PRRG1: variants seen among roughly 807,000 people sequenced by gnomAD.
The protein encoded by PRRG1 is transmembrane gamma-carboxyglutamic acid protein 1.
PRRG1 carries 5 observed loss-of-function variants against 11.8 expected under a neutral mutation model. The observed-to-expected ratio is 0.42, with a 90% CI of 0.22 to 0.89. PRRG1 has a LOEUF of 0.89. Among genes scored for constraint, PRRG1 ranks in the 40% least tolerant of loss-of-function variants. The pLI, the probability that PRRG1 is intolerant of heterozygous loss-of-function variation, is 0.28. For missense variants in PRRG1, 155 were observed against 166.1 expected (o/e 0.93, Z 0.37); for synonymous variants, 66 against 60.4 (o/e 1.09, Z -0.43).
At chrX:37,453,112 A>G (rs1556396925) in intron 3 of PRRG1, 24 bp from the exon 4 acceptor site, 2 of 1,151,609 alleles carry the variant, frequency 1.7e-6, no homozygotes, top group East Asian at 3.1e-5. Context: ...CTGATTTTCT[A>G]TTTATTTTGT....
chrX:37,415,961 A>G (rs1173969005), intron 2 of PRRG1, among the ~76,000 whole-genome samples: 1 of 111,825 alleles, frequency 8.9e-6, no homozygotes, highest in Non-Finnish European at 1.9e-5. Context: ...ACCATTCCTA[A>G]GGGTACAAAC....
intron 1 of PRRG1, among the ~76,000 whole-genome samples, chrX:37,388,335 C>T (rs1260901486): frequency 8.9e-6 from 1 of 112,794 alleles, no homozygotes; most frequent in East Asian, 2.8e-4. Flanking sequence ...GGGGCTCCAA[C>T]CCCAAATTTC....
At chrX:37,438,665 G>T (rs1932922697) in intron 3 of PRRG1, among the ~76,000 whole-genome samples, 2 of 111,026 alleles carry the variant, frequency 1.8e-5, no homozygotes, top group Admixed American at 1.9e-4. Flanking sequence ...TTGAACTCCT[G>T]ACCTCAGGTG....
intron 1 of PRRG1, among the ~76,000 whole-genome samples, chrX:37,365,895 C>T (rs1289082034): frequency 8.9e-6 from 1 of 111,786 alleles, no homozygotes; most frequent in African/African-American, 3.3e-5. Context: ...ACAAATAGGT[C>T]CCCTGCTTCA....
chrX:37,361,266 C>T (rs1024133787), intron 1 of PRRG1, among the ~76,000 whole-genome samples: 24 of 108,858 alleles, frequency 2.2e-4, no homozygotes, highest in African/African-American at 7.7e-4. Flanking sequence ...GGCGTGAACC[C>T]GGGAGGCAGA....
In PRRG1 at chrX:37,441,819, G is replaced by A. The variant is rs891926558; in HGVS notation, c.172-11317G>A. On this transcript the variant is annotated intron_variant, in intron 3 of 3. Transcript: ENST00000378628. Reference sequence around the variant, plus strand: ...GTCAAGACTGGGAGAGCAGGCTCGAGGCCATGGAGTGCGCCTTCCACCTGG... The same window carrying A: ...GTCAAGACTGGGAGAGCAGGCTCGAAGCCATGGAGTGCGCCTTCCACCTGG... 5.5e-5 allele frequency: 43 copies of A among 784,245 alleles called. No individual in the cohort carries two copies. In the African/African-American group the frequency reaches 9.3e-4, roughly 17 times the overall value. 64.6% of individuals were successfully genotyped at this position (784,245 alleles called of 1,213,427 possible).
At chrX:37,413,185 C>T (rs1313368553) in intron 2 of PRRG1, among the ~76,000 whole-genome samples, 1 of 110,810 alleles carries the variant, frequency 9.0e-6, no homozygotes, top group Non-Finnish European at 1.9e-5. Flanking sequence ...AGGGTTCACT[C>T]TTGTTGTTGT....
chrX:37,418,040 T>C (rs1431210723), intron 2 of PRRG1, among the ~76,000 whole-genome samples: 2 of 112,105 alleles, frequency 1.8e-5, no homozygotes, highest in East Asian at 2.8e-4. Flanking sequence ...CAACTGAAAG[T>C]ACTTAAGAAA....
At chrX:37,411,201 A>G (rs1270323291) in intron 2 of PRRG1, among the ~76,000 whole-genome samples, 1 of 112,165 alleles carries the variant, frequency 8.9e-6, no homozygotes, top group Non-Finnish European at 1.9e-5. Context: ...ATTAGGTTTT[A>G]TAAGTAATCT....
chrX:37,439,656 C>T (rs1932938327), intron 3 of PRRG1, among the ~76,000 whole-genome samples: 1 of 111,310 alleles, frequency 9.0e-6, no homozygotes, highest in Non-Finnish European at 1.9e-5. Context: ...CTTCTTATGC[C>T]AGTCCTTATT....
chrX:37,369,556 C>T (rs1248080082), intron 1 of PRRG1, among the ~76,000 whole-genome samples: 1 of 111,721 alleles, frequency 9.0e-6, no homozygotes, highest in African/African-American at 3.3e-5. Context: ...CCATGTTGTA[C>T]AGTAGATCTC....
intron 1 of PRRG1, among the ~76,000 whole-genome samples, chrX:37,361,904 G>A (rs782224137): frequency 3.2e-4 from 36 of 112,154 alleles, no homozygotes; most frequent in African/African-American, 1.0e-3. Context: ...AGTCAGAAAC[G>A]TAAGCCTAGG....
intron 1 of PRRG1, among the ~76,000 whole-genome samples, chrX:37,392,663 A>T: frequency 9.2e-6 from 1 of 108,998 alleles, no homozygotes; most frequent in Non-Finnish European, 1.9e-5. Context: ...GTCTCAAAAA[A>T]AAAAAAAAAA....
intron 1 of PRRG1, among the ~76,000 whole-genome samples, chrX:37,392,657 CAAAAA>C (rs11296949): frequency 3.9e-5 from 2 of 50,834 alleles, no homozygotes; most frequent in African/African-American, 5.7e-5. Context: ...GACTCTGTCT[CAAAAA>C]AAAAAAAAAA....
intron 1 of PRRG1, among the ~76,000 whole-genome samples, chrX:37,396,229 G>T (rs1931708107): frequency 8.9e-6 from 1 of 112,471 alleles, no homozygotes; most frequent in African/African-American, 3.2e-5. Flanking sequence ...AATTTTAAAA[G>T]CTGTGGTACT....
At chrX:37,408,057 A>G (rs1229967294) in intron 2 of PRRG1, among the ~76,000 whole-genome samples, 1 of 112,159 alleles carries the variant, frequency 8.9e-6, no homozygotes, top group African/African-American at 3.2e-5. Context: ...TTAAAACTAA[A>G]TGAACTTTTT....
In PRRG1 at chrX:37,404,326, C is replaced by T. The variant is rs1376221392; in HGVS notation, c.-41-1883C>T. Among the ~76,000 whole-genome samples, 6 of 111,302 alleles carry T rather than the reference C, an allele frequency of 5.4e-5. No homozygotes were observed. The Admixed American group carries it at 5.7e-4, about 11-fold the overall frequency. On this transcript the variant is annotated intron_variant, in intron 1 of 3. Transcript: ENST00000378628. ...AACTCTTTCATGCTTCTCATTCGTACATGGATTATATTTTAGTATATTAAC... is the reference window on the plus strand; with the variant it reads ...AACTCTTTCATGCTTCTCATTCGTATATGGATTATATTTTAGTATATTAAC...
chrX:37,412,558 A>T (rs1361256109), intron 2 of PRRG1, among the ~76,000 whole-genome samples: 1 of 111,027 alleles, frequency 9.0e-6, no homozygotes, highest in African/African-American at 3.3e-5. Context: ...CTTTATTGTG[A>T]CATATTCAGG....
At chrX:37,444,446 A>AT (rs1300020050) in intron 3 of PRRG1, among the ~76,000 whole-genome samples, 1 of 112,033 alleles carries the variant, frequency 8.9e-6, no homozygotes, top group African/African-American at 3.2e-5. Flanking sequence ...AAGTCATTAA[A>AT]TTTTTTTGTG....
Sources: gnomAD v4.1 joint callset for allele counts (sites outside exome capture counted in the v4.1 genomes callset) on GRCh38, gnomAD v4.1.1 for gene constraint, MANE v1.5 for transcripts, NCBI Gene and HGNC (gene_info 2026-07-23, HGNC 2026-07-21) for gene names.